Variants in NR6A1 observed in about 807,000 individuals in gnomAD.
The protein encoded by NR6A1 is retinoic acid receptor-related testis-associated receptor.
In NR6A1, 7 loss-of-function variants were observed where a neutral mutation model predicts 59.1. The observed-to-expected ratio is 0.12, with a 90% CI of 0.07 to 0.22. The LOEUF (loss-of-function observed/expected upper bound fraction) is 0.22, where lower values mean the gene tolerates loss of function less well. Ranked by LOEUF, NR6A1 falls within the 10% of genes least tolerant of loss-of-function variation. NR6A1 has a pLI of 1.00. For missense variants in NR6A1, 468 were observed against 611.6 expected, an observed-to-expected ratio of 0.77 and a Z score of 2.48; for synonymous variants, 243 against 236.1, an observed-to-expected ratio of 1.03 and a Z score of -0.27.
intron 2 of NR6A1, among the ~76,000 whole-genome samples, chr9:124,701,904 T>C (rs1045115012): frequency 6.6e-6 from 1 of 152,094 alleles, no homozygotes; most frequent in African/African-American, 2.4e-5. Context: ...TTTGTATTTT[T>C]AGTAGAGATG....
chr9:124,633,436 T>C (rs952030226), intron 2 of NR6A1, among the ~76,000 whole-genome samples: 1 of 147,296 alleles, frequency 6.8e-6, no homozygotes, highest in African/African-American at 2.5e-5. Flanking sequence ...GTTAGTGATA[T>C]GAAGATCACA....
chr9:124,721,188 C>G (rs540292823), intron 2 of NR6A1, among the ~76,000 whole-genome samples: 1 of 152,158 alleles, frequency 6.6e-6, no homozygotes, highest in Non-Finnish European at 1.5e-5. Flanking sequence ...CAAGACTATC[C>G]AAGGACCCAA....
intron 2 of NR6A1, among the ~76,000 whole-genome samples, chr9:124,700,353 C>T (rs757127708): frequency 6.6e-6 from 1 of 151,888 alleles, no homozygotes; most frequent in Non-Finnish European, 1.5e-5. Context: ...CACCACCATG[C>T]CCGGCTAATT....
At chr9:124,569,505 C>T (rs1485950589) in intron 2 of NR6A1, among the ~76,000 whole-genome samples, 1 of 152,158 alleles carries the variant, frequency 6.6e-6, no homozygotes, top group Admixed American at 6.5e-5. Context: ...TACAGCCACT[C>T]GCTTGACCAA....
At chr9:124,684,988 T>G (rs1838285440) in intron 2 of NR6A1, among the ~76,000 whole-genome samples, 1 of 149,854 alleles carries the variant, frequency 6.7e-6, no homozygotes, top group Non-Finnish European at 1.5e-5. Flanking sequence ...AGGAAACTTC[T>G]GCAAAAAAAA....
chr9:124,579,562 T>C (rs145598710), intron 2 of NR6A1, among the ~76,000 whole-genome samples: 4 of 150,888 alleles, frequency 2.7e-5, no homozygotes, highest in African/African-American at 9.7e-5. Context: ...AAATAAAAAA[T>C]AATAAAACTA....
rs79352225 is a variant in NR6A1, at chr9:124,722,439, C to A, written c.142+10869G>T. Among the ~76,000 whole-genome samples, 196 of 152,234 alleles carry A rather than the reference C, an allele frequency of 1.3e-3. 1 individual carries two copies. Among genetic ancestry groups the A allele is most frequent in the African/African-American group, 4.5e-3 (187 of 41,532 alleles). On this transcript the variant is annotated intron_variant, in intron 2 of 9. Transcript: ENST00000487099. ...CATAGTTTGACAACTAGGAATAAATCCATTAGAACATGTGACAGAATACTG... is the reference window on the plus strand; with the variant it reads ...CATAGTTTGACAACTAGGAATAAATACATTAGAACATGTGACAGAATACTG...
chr9:124,706,268 C>T (rs1360853543), intron 2 of NR6A1, among the ~76,000 whole-genome samples: 1 of 152,126 alleles, frequency 6.6e-6, no homozygotes, highest in Non-Finnish European at 1.5e-5. Flanking sequence ...ATGGTATAAT[C>T]CTTGCTCTAT....
intron 3 of NR6A1, among the ~76,000 whole-genome samples, chr9:124,552,891 C>A (rs979689065): frequency 6.6e-6 from 1 of 152,156 alleles, no homozygotes; most frequent in African/African-American, 2.4e-5. Context: ...AAAGGTCCTT[C>A]TTATCTCATA....
intron 2 of NR6A1, among the ~76,000 whole-genome samples, chr9:124,680,601 G>A (rs1564233980): frequency 6.6e-6 from 1 of 152,110 alleles, no homozygotes; most frequent in Non-Finnish European, 1.5e-5. Context: ...AAATACTATG[G>A]TAAAGCTCCA....
chr9:124,691,606 T>C (rs1048222874), intron 2 of NR6A1, among the ~76,000 whole-genome samples: 3 of 152,254 alleles, frequency 2.0e-5, no homozygotes, highest in Admixed American at 6.5e-5. Context: ...TGGTATCGTT[T>C]CAGCCAGAAC....
At chr9:124,571,335 G>T (rs1159691156) in intron 2 of NR6A1, among the ~76,000 whole-genome samples, 1 of 152,182 alleles carries the variant, frequency 6.6e-6, no homozygotes, top group Admixed American at 6.5e-5. Flanking sequence ...TTGACCTGAG[G>T]AGTCCTTCTG....
intron 4 of NR6A1, among the ~76,000 whole-genome samples, chr9:124,542,266 G>A (rs1399956190): frequency 1.3e-5 from 2 of 152,096 alleles, no homozygotes; most frequent in Non-Finnish European, 2.9e-5. Flanking sequence ...CTTGAATAAC[G>A]AGAATAAAAA....
chr9:124,704,917 T>A (rs1454770025), intron 2 of NR6A1, among the ~76,000 whole-genome samples: 2 of 152,122 alleles, frequency 1.3e-5, no homozygotes, highest in African/African-American at 4.8e-5. Flanking sequence ...TGGTATGTTT[T>A]TGGAGATAGG....
At chr9:124,543,728 G>A in intron 4 of NR6A1, 74 bp downstream of exon 4, 1 of 1,156,744 alleles carries the variant, frequency 8.6e-7, no homozygotes. Flanking sequence ...AAAGAGTCAA[G>A]GTGAGCAGTT....
At chr9:124,676,854 CTT>C (rs1276930948) in intron 2 of NR6A1, among the ~76,000 whole-genome samples, 1 of 152,188 alleles carries the variant, frequency 6.6e-6, no homozygotes, top group Admixed American at 6.5e-5. Flanking sequence ...ACTAGACAAA[CTT>C]ATGAACGATA....
At chr9:124,673,066 A>C (rs932152289) in intron 2 of NR6A1, among the ~76,000 whole-genome samples, 1 of 152,236 alleles carries the variant, frequency 6.6e-6, no homozygotes, top group Non-Finnish European at 1.5e-5. Context: ...TCATGCCTGT[A>C]ATCTTAGCAC....
intron 2 of NR6A1, among the ~76,000 whole-genome samples, chr9:124,633,402 C>CA (rs11337023): frequency 0.032 from 2,283 of 72,218 alleles, 78 homozygotes; most frequent in African/African-American, 0.079. Flanking sequence ...AACTCCGTCT[C>CA]AAAAAAAAAA....
At chr9:124,643,956 A>G (rs1836851000) in intron 2 of NR6A1, among the ~76,000 whole-genome samples, 1 of 152,056 alleles carries the variant, frequency 6.6e-6, no homozygotes, top group African/African-American at 2.4e-5. Context: ...GCTGGGGTGC[A>G]GTGGCGCGAT....
Sources: allele counts gnomAD v4.1 joint callset (sites outside exome capture counted in the v4.1 genomes callset), GRCh38; gene constraint gnomAD v4.1.1; transcripts MANE v1.5; gene names NCBI Gene and HGNC (gene_info 2026-07-23, HGNC 2026-07-21).